The following GLI2 variants were observed in gnomAD, a reference collection of about 807,000 sequenced individuals.
GLI2 encodes the protein transcription activator GLI2.
Under a neutral mutation model 78.9 loss-of-function variants are expected in GLI2, and 22 were observed. The observed-to-expected ratio is 0.28, with a 90% CI of 0.20 to 0.40. The LOEUF (loss-of-function observed/expected upper bound fraction) is 0.40. GLI2 is among the 10% of genes least tolerant of loss of function. The pLI, the probability that GLI2 is intolerant of heterozygous loss-of-function variation, is 1.00. For synonymous variants in GLI2, 974 were observed against 963.7 expected (o/e 1.01, Z -0.20); for missense variants, 2,097 against 2,213.2 (o/e 0.95, Z 1.05).
At chr2:120,827,518 A>T (rs762868943) in intron 2 of GLI2, among the ~76,000 whole-genome samples, 1 of 152,216 alleles carries the variant, frequency 6.6e-6, no homozygotes, top group Non-Finnish European at 1.5e-5. Context: ...CTTACAATCC[A>T]GCAATTCTCC....
At chr2:120,859,491 T>C (rs984875544) in intron 2 of GLI2, among the ~76,000 whole-genome samples, 3 of 148,030 alleles carry the variant, frequency 2.0e-5, no homozygotes, top group Admixed American at 1.4e-4. Flanking sequence ...AGTCTCGCTC[T>C]GTCACCAGGC....
intron 3 of GLI2, among the ~76,000 whole-genome samples, chr2:120,932,648 C>G: frequency 6.8e-6 from 1 of 148,020 alleles, no homozygotes; most frequent in East Asian, 1.9e-4. Context: ...AGACAACCCA[C>G]ATAACCCAGC....
chr2:120,988,056 AAGAGAAAG>A (rs1683061270), intron 13 of GLI2, 144 bp from the exon 14 acceptor site: 2 of 657,382 alleles, frequency 3.0e-6, no homozygotes, highest in Non-Finnish European at 4.9e-6. Context: ...TGTCTCTAAA[AAGAGAAAG>A]AGAGAAAGAA....
At chr2:120,745,612 G>T (rs1682671511) in intron 1 of GLI2, among the ~76,000 whole-genome samples, 1 of 152,202 alleles carries the variant, frequency 6.6e-6, no homozygotes, top group Admixed American at 6.5e-5. Flanking sequence ...CACACCCGCA[G>T]CTGTGACCAT....
chr2:120,963,067 C>T (rs1681663578), intron 5 of GLI2, among the ~76,000 whole-genome samples: 3 of 152,214 alleles, frequency 2.0e-5, no homozygotes, highest in South Asian at 2.1e-4. Context: ...GAGAGGGCGC[C>T]GAATGCAAGC....
rs1375398807 is a variant in GLI2, at chr2:120,736,086, G to C, written c.-230G>C. ...GCCTCGGGGAGCCGCCTGCTCGCCGGCGGTAGGGGCTGCGCGGCGCCCGCC... is the reference window on the plus strand; with the variant it reads ...GCCTCGGGGAGCCGCCTGCTCGCCGCCGGTAGGGGCTGCGCGGCGCCCGCC... On this transcript the variant is annotated 5_prime_UTR_variant, in exon 1 of 14. Transcript: ENST00000361492. 6.6e-6 allele frequency among the ~76,000 whole-genome samples: 1 copy of C among 150,534 alleles called. No homozygotes were observed. The highest frequency in any genetic ancestry group is 2.4e-5 in the African/African-American group (1 of 41,002).
At chr2:120,955,176 T>C in intron 4 of GLI2, 69 bp from the exon 5 acceptor site, 1 of 686,544 alleles carries the variant, frequency 1.5e-6, no homozygotes, top group Non-Finnish European at 2.5e-6. Context: ...TTTTTTTTTT[T>C]TTTTTGGCAG....
At chr2:120,899,000 C>T (rs1196224532) in intron 2 of GLI2, among the ~76,000 whole-genome samples, 1 of 152,152 alleles carries the variant, frequency 6.6e-6, no homozygotes, top group South Asian at 2.1e-4. Context: ...AAAGGGTCTG[C>T]GGTGGAGTCC....
rs1459873049 is a variant in GLI2 at position 120,737,378 on chromosome 2, G to A, written c.-31+1093G>A. On this transcript the variant is annotated intron_variant, in intron 1 of 13. Coordinates refer to ENST00000361492, the MANE Select transcript of GLI2 (RefSeq NM_001374353.1). The surrounding 1 kb of genome is among the most constrained non-coding windows in gnomAD (Gnocchi z 4.3). The stretch of plus-strand genomic sequence containing the variant: ...ATGGAGCCCGTGCGCCTCACCCTGG[G>A]TGATCGGTCGCTGAGGCTCTCGGGG... Among the ~76,000 whole-genome samples, 1 of 152,200 alleles carries A rather than the reference G, an allele frequency of 6.6e-6. No homozygotes were observed. The highest frequency in any genetic ancestry group is 1.5e-5 in the Non-Finnish European group (1 of 68,040).
At chr2:120,785,047 G>A (rs1002405387) in intron 1 of GLI2, among the ~76,000 whole-genome samples, 7 of 152,172 alleles carry the variant, frequency 4.6e-5, no homozygotes, top group Non-Finnish European at 1.0e-4. Flanking sequence ...CTCAAGTCAC[G>A]GAGCTGGTCA....
chr2:120,891,218 G>T (rs1476119172), intron 2 of GLI2, among the ~76,000 whole-genome samples: 1 of 152,196 alleles, frequency 6.6e-6, no homozygotes, highest in Non-Finnish European at 1.5e-5. Flanking sequence ...ACTGGGCGGG[G>T]TGTCTGGTGG....
intron 6 of GLI2, 137 bp from the exon 7 acceptor site, chr2:120,970,256 A>G: frequency 1.6e-6 from 1 of 637,728 alleles, no homozygotes; most frequent in Non-Finnish European, 2.9e-6. Context: ...TTCTTGAGTG[A>G]GGAAGCCACG....
chr2:120,745,458 A>T (rs1312870356), intron 1 of GLI2, among the ~76,000 whole-genome samples: 7 of 152,180 alleles, frequency 4.6e-5, no homozygotes. Flanking sequence ...GTTGCAGAAG[A>T]GGATGCTGTG....
intron 1 of GLI2, among the ~76,000 whole-genome samples, chr2:120,750,586 T>TG (rs531846858): frequency 2.0e-4 from 30 of 152,330 alleles, no homozygotes; most frequent in African/African-American, 6.3e-4. Flanking sequence ...ATCTTGGTTG[T>TG]TATTATTAAA....
At chr2:120,915,217 G>A (rs1679032552) in intron 2 of GLI2, among the ~76,000 whole-genome samples, 1 of 152,218 alleles carries the variant, frequency 6.6e-6, no homozygotes, top group Admixed American at 6.5e-5. Flanking sequence ...TCAGCCTGGG[G>A]TGGGCAGTGT....
chr2:120,949,746 G>A (rs555608703), intron 3 of GLI2, among the ~76,000 whole-genome samples: 4 of 152,344 alleles, frequency 2.6e-5, no homozygotes, highest in African/African-American at 9.6e-5. Flanking sequence ...ACCAAACTGC[G>A]GAAGACTCCC....
intron 1 of GLI2, among the ~76,000 whole-genome samples, chr2:120,755,431 A>G (rs1327205726): frequency 6.7e-6 from 1 of 149,536 alleles, no homozygotes; most frequent in Admixed American, 6.7e-5. Context: ...CTTTTGCTCA[A>G]TTTTTTTTTT....
chr2:120,859,079 T>C (rs901968487), intron 2 of GLI2, among the ~76,000 whole-genome samples: 48 of 152,194 alleles, frequency 3.2e-4, no homozygotes, highest in African/African-American at 1.1e-3. Context: ...TCTTAAGCAG[T>C]ATTCTGTCTT....
chr2:120,874,929 C>T (rs758788369), intron 2 of GLI2, among the ~76,000 whole-genome samples: 8 of 152,130 alleles, frequency 5.3e-5, no homozygotes, highest in Non-Finnish European at 7.3e-5. Flanking sequence ...AGGAGGTATA[C>T]GACTTGGGGG....
Sources: gnomAD v4.1 joint callset for allele counts (sites outside exome capture counted in the v4.1 genomes callset) on GRCh38, gnomAD v4.1.1 for gene constraint, Gnocchi (gnomAD v3.1) non-coding constraint, MANE v1.5 for transcripts, NCBI Gene and HGNC (gene_info 2026-07-23, HGNC 2026-07-21) for gene names.